DLG2: variants seen among roughly 807,000 people sequenced by gnomAD.
DLG2 encodes discs large MAGUK scaffold protein 2, also known as disks large homolog 2.
DLG2 carries 45 observed loss-of-function variants against 132.5 expected under a neutral mutation model. The ratio of observed to expected loss-of-function variants is 0.34; its 90% CI spans 0.27 to 0.44. The LOEUF (loss-of-function observed/expected upper bound fraction) is 0.44, where lower values mean the gene tolerates loss of function less well. Ranked by LOEUF, DLG2 falls within the 20% of genes least tolerant of loss-of-function variation. The pLI is 1.00. For missense variants in DLG2, 1,045 were observed against 1,196.9 expected (o/e 0.87, Z 1.87); for synonymous variants, 424 against 419.6 (o/e 1.01, Z -0.13).
At chr11:85,543,562 A>G (rs1769943656) in intron 3 of DLG2, among the ~76,000 whole-genome samples, 1 of 152,232 alleles carries the variant, frequency 6.6e-6, no homozygotes, top group South Asian at 2.1e-4. Context: ...GAATTGCCAC[A>G]CTGTCTTCCA....
intron 3 of DLG2, among the ~76,000 whole-genome samples, chr11:85,427,408 T>C (rs577308555): frequency 6.6e-6 from 1 of 152,310 alleles, no homozygotes; most frequent in South Asian, 2.1e-4. Context: ...GGGAAGGCCA[T>C]CAGACTAACA....
At chr11:84,759,874 A>G (rs950168403) in intron 6 of DLG2, among the ~76,000 whole-genome samples, 21 of 152,086 alleles carry the variant, frequency 1.4e-4, no homozygotes, top group Admixed American at 2.6e-4. Context: ...TTTAATAAAT[A>G]CTTTCCAAAA....
At chr11:83,655,649 C>G (rs947483748) in intron 18 of DLG2, among the ~76,000 whole-genome samples, 2 of 152,110 alleles carry the variant, frequency 1.3e-5, no homozygotes, top group Non-Finnish European at 2.9e-5. Context: ...TTGATTTTAT[C>G]ATTTACATTG....
intron 7 of DLG2, among the ~76,000 whole-genome samples, chr11:84,304,866 T>C (rs1157451725): frequency 6.6e-6 from 1 of 152,194 alleles, no homozygotes; most frequent in Non-Finnish European, 1.5e-5. Flanking sequence ...ACAGATATAA[T>C]GGTATACAAA....
At chr11:83,727,119 C>T (rs551001350) in intron 18 of DLG2, among the ~76,000 whole-genome samples, 101 of 152,320 alleles carry the variant, frequency 6.6e-4, no homozygotes, top group Non-Finnish European at 1.3e-3. Flanking sequence ...AGAGCAGCTC[C>T]TATCACTTTT....
chr11:84,968,761 G>A (rs2053659440), intron 6 of DLG2, among the ~76,000 whole-genome samples: 1 of 152,032 alleles, frequency 6.6e-6, no homozygotes, highest in African/African-American at 2.4e-5. Flanking sequence ...TTAAGGGAGA[G>A]GGCAATTTTG....
At chr11:83,743,718 G>A (rs1220701478) in intron 18 of DLG2, among the ~76,000 whole-genome samples, 3 of 152,082 alleles carry the variant, frequency 2.0e-5, no homozygotes, top group Non-Finnish European at 4.4e-5. Context: ...ACAGGCATGA[G>A]TGACTGCTCC....
Position 85,406,971 on chromosome 11 carries a change from T to C in DLG2, c.41-121606A>G, listed in dbSNP as rs568268682. Among the ~76,000 whole-genome samples the C allele has an allele frequency of 4.8e-4, 73 of 151,806 alleles. 2 individuals are homozygous for C. The highest frequency in any genetic ancestry group is 1.6e-3 in the African/African-American group (67 of 41,452). ...AGCAGATAACGTTTAAGCAGAAACC[T>C]GAAGGAGATAGAGAAAAGAGTCATG... On this transcript the variant is annotated intron_variant, in intron 3 of 27. Transcript: ENST00000376104.
chr11:84,396,092 C>T (rs114123421), intron 7 of DLG2, among the ~76,000 whole-genome samples: 124 of 152,248 alleles, frequency 8.1e-4, no homozygotes, highest in African/African-American at 2.8e-3. Flanking sequence ...TTCTTTTAGG[C>T]CACTGACATT....
rs139056621 is a variant in DLG2, at chr11:85,492,626, T to C, written c.40+106031A>G. 1.8e-4 allele frequency among the ~76,000 whole-genome samples: 28 copies of C among 152,310 alleles called. No homozygotes were observed. In the East Asian group the frequency reaches 5.4e-3, roughly 29 times the overall value. On this transcript the variant is annotated intron_variant, in intron 3 of 27. Transcript: ENST00000376104. The stretch of plus-strand genomic sequence containing the variant: ...GAAAATAGATTTATACAAATAAAAT[T>C]AAGTGTCTGCTTCCCTTTATTATGT...
intron 6 of DLG2, among the ~76,000 whole-genome samples, chr11:84,743,387 GA>G (rs2064943558): frequency 6.6e-6 from 1 of 151,886 alleles, no homozygotes; most frequent in Non-Finnish European, 1.5e-5. Flanking sequence ...TCTTTAGTAA[GA>G]ATTTTTTTTT....
At chr11:85,550,425 G>GA (rs1244681294) in intron 3 of DLG2, among the ~76,000 whole-genome samples, 1 of 152,258 alleles carries the variant, frequency 6.6e-6, no homozygotes, top group Non-Finnish European at 1.5e-5. Flanking sequence ...GCTTACTCTG[G>GA]TTCCTGCACC....
At chr11:83,615,638 T>C (rs1298243045) in intron 19 of DLG2, among the ~76,000 whole-genome samples, 1 of 152,216 alleles carries the variant, frequency 6.6e-6, no homozygotes, top group African/African-American at 2.4e-5. Flanking sequence ...AAGCAGAGTA[T>C]CTTTTGCAAG....
At chr11:84,044,882 A>G (rs2154112532) in intron 11 of DLG2, among the ~76,000 whole-genome samples, 1 of 151,880 alleles carries the variant, frequency 6.6e-6, no homozygotes, top group East Asian at 1.9e-4. Context: ...AATGGGAGTC[A>G]GGTAGCATCT....
chr11:85,128,645 T>A (rs1455559752), intron 5 of DLG2, among the ~76,000 whole-genome samples: 1 of 152,198 alleles, frequency 6.6e-6, no homozygotes, highest in African/African-American at 2.4e-5. Flanking sequence ...TATTGCCCAA[T>A]CATGTAAACT....
chr11:83,663,327 C>G (rs1391469482), intron 18 of DLG2, among the ~76,000 whole-genome samples: 1 of 152,146 alleles, frequency 6.6e-6, no homozygotes, highest in Non-Finnish European at 1.5e-5. Context: ...AAGGACTGCT[C>G]ACAGTGGGTA....
At chr11:83,515,902 A>C (rs143984272) in intron 21 of DLG2, among the ~76,000 whole-genome samples, 5,157 of 152,220 alleles carry the variant, frequency 0.034, 315 homozygotes, top group African/African-American at 0.12. Context: ...GTTTGTTATA[A>C]TTTCTGTTCT....
chr11:84,679,115 A>C (rs1416167902), intron 6 of DLG2, among the ~76,000 whole-genome samples: 1 of 152,094 alleles, frequency 6.6e-6, no homozygotes, highest in Non-Finnish European at 1.5e-5. Flanking sequence ...AATAAAAAAT[A>C]ATACAAAATA....
At chr11:84,309,375 G>A (rs1300452514) in intron 7 of DLG2, among the ~76,000 whole-genome samples, 1 of 152,122 alleles carries the variant, frequency 6.6e-6, no homozygotes, top group Non-Finnish European at 1.5e-5. Context: ...TGACAATAAT[G>A]ACTCTACATA....
Sources: allele counts gnomAD v4.1 joint callset (sites outside exome capture counted in the v4.1 genomes callset), GRCh38; gene constraint gnomAD v4.1.1; transcripts MANE v1.5; gene names NCBI Gene and HGNC (gene_info 2026-07-23, HGNC 2026-07-21).